Variants in CAND2 observed in about 807,000 individuals in gnomAD.
The protein encoded by CAND2 is cullin-associated NEDD8-dissociated protein 2.
A neutral mutation model predicts 98.9 loss-of-function variants in CAND2; 62 were observed. That is an observed-to-expected ratio of 0.63 (90% CI 0.51 to 0.77). The LOEUF (loss-of-function observed/expected upper bound fraction) is 0.77. Among genes scored for constraint, CAND2 ranks in the 30% least tolerant of loss-of-function variants. The probability of loss-of-function intolerance (pLI) is 0.00; values close to 1 mark genes in which losing one functional copy is unlikely to be tolerated. For missense variants in CAND2, 1,501 were observed against 1,655.2 expected (o/e 0.91, Z 1.62); for synonymous variants, 770 against 731.9 (o/e 1.05, Z -0.84).
At chr3:12,824,674 C>T (rs1263326056) in intron 11 of CAND2, among the ~76,000 whole-genome samples, 1 of 152,062 alleles carries the variant, frequency 6.6e-6, no homozygotes, top group African/African-American at 2.4e-5. Context: ...TGTGGGTGGC[C>T]GAGGTGGTGG....
At chr3:12,814,249 C>T (rs1430483530) in intron 7 of CAND2, among the ~76,000 whole-genome samples, 2 of 152,208 alleles carry the variant, frequency 1.3e-5, no homozygotes, top group Non-Finnish European at 2.9e-5. Context: ...ATGGGCAAGG[C>T]CATGCTGGGC....
At position 12,817,667 on chromosome 3, in the gene CAND2, A is replaced by G; in HGVS notation, c.2735A>G (p.Tyr912Cys). Residue 912 changes from tyrosine (Y) to cysteine (C), a missense_variant, in exon 10 of 15, where the codon TAC becomes TGC. Tyr to Cys is a radical substitution (Grantham distance 194, BLOSUM62 -2). Around this residue, in one of 3 missense-constraint regions of CAND2, gnomAD observed 1,427 missense variants for 1,545.3 expected, o/e 0.92. Transcript: ENST00000456430. ...EQIEAEPRRQ[Y>C]LLLHSLREAL... ...ATCGAGGCTGAGCCCCGACGACAGT[A>G]CCTGCTGCTGCACTCACTCAGGGAG... The G allele has an allele frequency of 6.2e-7, 1 of 1,611,150 alleles. No homozygotes were observed. The highest frequency in any genetic ancestry group is 8.5e-7 in the Non-Finnish European group (1 of 1,178,782).
chr3:12,823,280 T>TTTTGTTTG (rs56152145), intron 11 of CAND2, among the ~76,000 whole-genome samples: 1 of 16,352 alleles, frequency 6.1e-5, no homozygotes, highest in African/African-American at 6.7e-4. Context: ...TAAATACAGT[T>TTTTGTTTG]TTTGTTGGTT....
chr3:12,826,799 A>C (rs992622888), intron 12 of CAND2, among the ~76,000 whole-genome samples: 2 of 49,588 alleles, frequency 4.0e-5, no homozygotes, highest in African/African-American at 5.7e-4. Flanking sequence ...CAGTTTCCTC[A>C]TCTGTCATTA....
chr3:12,834,094 T>TG lies in CAND2; in HGVS notation c.*117dup. 1 of 847,036 alleles carries TG rather than the reference T, an allele frequency of 1.2e-6. No individual in the cohort carries two copies. Among genetic ancestry groups the TG allele is most frequent in the Non-Finnish European group, 1.9e-6 (1 of 533,404 alleles). The allele number at this position is 847,036 out of a possible 1,614,324, so 52.5% of individuals were successfully genotyped here. On this transcript the variant is annotated 3_prime_UTR_variant, in exon 15 of 15. Transcript: ENST00000456430. ...TACTTTTGCCCTTCCACCATCTCAC[T>TG]GGGGGCCCTGTCGCTCCTGGTCAGG...
At chr3:12,819,525 C>T (rs376148351) in intron 10 of CAND2, among the ~76,000 whole-genome samples, 3 of 152,302 alleles carry the variant, frequency 2.0e-5, no homozygotes, top group African/African-American at 7.2e-5. Flanking sequence ...AGCAAGCTCT[C>T]TGTGACCGAG....
chr3:12,828,219 T>C (rs192827237), intron 13 of CAND2, among the ~76,000 whole-genome samples: 1 of 152,306 alleles, frequency 6.6e-6, no homozygotes, highest in East Asian at 1.9e-4. Flanking sequence ...TATCTTTCTA[T>C]ATCATTTTTT....
At chr3:12,804,229 G>A (rs2061788935) in intron 2 of CAND2, among the ~76,000 whole-genome samples, 1 of 152,008 alleles carries the variant, frequency 6.6e-6, no homozygotes, top group African/African-American at 2.4e-5. Context: ...CAAGGCAGGT[G>A]GATCACCTGA....
chr3:12,828,541 C>A (rs1193644200), intron 13 of CAND2, among the ~76,000 whole-genome samples: 1 of 151,972 alleles, frequency 6.6e-6, no homozygotes, highest in Non-Finnish European at 1.5e-5. Flanking sequence ...GGGGTTTCAC[C>A]ATATTGGCCA....
chr3:12,802,162 C>G lies in CAND2; in HGVS notation c.69-1326C>G, dbSNP rs2061771234. 2.0e-5 allele frequency among the ~76,000 whole-genome samples: 3 copies of G among 152,156 alleles called. No individual in the cohort carries two copies. The South Asian group carries it at 6.2e-4, about 32-fold the overall frequency. ...CTAACACAGTGAAACCCCACCTCTA[C>G]TAAAAATACAAAAAATTAGCCGGGC... is the stretch of plus-strand genomic sequence containing the variant. On this transcript the variant is annotated intron_variant, in intron 1 of 14. Transcript: ENST00000456430.
At chr3:12,811,940 C>T (rs2061854859) in intron 5 of CAND2, among the ~76,000 whole-genome samples, 1 of 149,796 alleles carries the variant, frequency 6.7e-6, no homozygotes, top group Non-Finnish European at 1.5e-5. Context: ...AGTCTCGTGT[C>T]TTGCTCTGTT....
At chr3:12,830,349 G>T (rs2062043560) in intron 13 of CAND2, among the ~76,000 whole-genome samples, 1 of 152,198 alleles carries the variant, frequency 6.6e-6, no homozygotes, top group South Asian at 2.1e-4. Flanking sequence ...TCCACCACAG[G>T]GTTCCGGGAG....
chr3:12,820,239 C>T, intron 11 of CAND2, 58 bp downstream of exon 11: 2 of 1,344,734 alleles, frequency 1.5e-6, no homozygotes, highest in South Asian at 1.2e-5. Flanking sequence ...AGTCCTTGAG[C>T]TTGGGCTGAT....
intron 1 of CAND2, 38 bp from the exon 2 acceptor site, chr3:12,803,450 G>A (rs1218953682): frequency 1.0e-5 from 16 of 1,546,314 alleles, no homozygotes; most frequent in African/African-American, 1.4e-5. Context: ...CCAGGGCCCA[G>A]GAGCTGCTCA....
At chr3:12,808,095 A>C in intron 3 of CAND2, 115 bp from the exon 4 acceptor site, 1 of 1,354,410 alleles carries the variant, frequency 7.4e-7, no homozygotes, top group Non-Finnish European at 1.0e-6. Flanking sequence ...GAGCCCTGGT[A>C]AGATTCCCGG....
At position 12,816,867 on chromosome 3, in the gene CAND2, C is replaced by G; in HGVS notation, c.1935C>G (p.Asp645Glu). The G allele has an allele frequency of 6.2e-7, 1 of 1,613,898 alleles. No individual in the cohort carries two copies. The highest frequency in any genetic ancestry group is 8.5e-7 in the Non-Finnish European group (1 of 1,180,046). Residue 645 changes from aspartate (D) to glutamate (E), a missense_variant, in exon 10 of 15, where the codon GAC becomes GAG. This residue lies in a region of CAND2 where 1,427 missense variants were observed against 1,545.3 expected (regional missense o/e 0.92). Coordinates refer to ENST00000456430, the MANE Select transcript of CAND2 (RefSeq NM_001162499.2). Reference protein sequence around the residue: ...TLVAVSPLQLDLQPILAEALH... With the variant: ...TLVAVSPLQLELQPILAEALH... ...TGGCCGTATCCCCACTACAGCTTGACCTACAGCCCATCCTGGCCGAGGCAC... is the reference window on the plus strand; with the variant it reads ...TGGCCGTATCCCCACTACAGCTTGAGCTACAGCCCATCCTGGCCGAGGCAC...
Position 12,831,475 on chromosome 3 carries a change from T to G in CAND2, c.3386T>G (p.Phe1129Cys), listed in dbSNP as rs751483195. Residue 1129 changes from phenylalanine to cysteine, a missense_variant, in exon 14 of 15, where the codon TTC becomes TGC. Around this residue, in one of 3 missense-constraint regions of CAND2, gnomAD observed 1,427 missense variants for 1,545.3 expected, o/e 0.92. Transcript: ENST00000456430. ...CCTTCCTCTGGGCAGATGCTGACCT[T>G]CATCATGGTTGCCCGGCTGGCCACC... ...KDHYDIRMLT[F>C]IMVARLATLC... 3 of 1,613,790 alleles carry G rather than the reference T, an allele frequency of 1.9e-6. No individual in the cohort carries two copies. The East Asian group carries it at 6.7e-5, about 36-fold the overall frequency.
intron 1 of CAND2, among the ~76,000 whole-genome samples, chr3:12,799,167 G>C (rs116579012): frequency 6.6e-6 from 1 of 152,184 alleles, no homozygotes; most frequent in Non-Finnish European, 1.5e-5. Flanking sequence ...TGCTGTTACC[G>C]TAGGCAGTTT....
chr3:12,818,279 C>CA (rs1559554975), intron 10 of CAND2, among the ~76,000 whole-genome samples: 1 of 145,674 alleles, frequency 6.9e-6, no homozygotes, highest in Non-Finnish European at 1.5e-5. Flanking sequence ...AAAAACAAAA[C>CA]AAAAAACCTC....
Sources: gnomAD v4.1 joint callset for allele counts (sites outside exome capture counted in the v4.1 genomes callset) on GRCh38, gnomAD v4.1.1 for gene constraint, gnomAD v4.1.1 regional missense constraint, MANE v1.5 for transcripts, NCBI Gene and HGNC (gene_info 2026-07-23, HGNC 2026-07-21) for gene names.